The following CD1E variants were observed in gnomAD, a reference collection of about 807,000 sequenced individuals.
CD1E encodes the protein T-cell surface glycoprotein CD1e, membrane-associated.
CD1E carries 49 observed loss-of-function variants against 40.1 expected under a neutral mutation model. That is an observed-to-expected ratio of 1.22 (90% CI 0.97 to 1.55). The LOEUF (loss-of-function observed/expected upper bound fraction) is 1.55. Ranked by LOEUF, CD1E falls within the 40% of genes most tolerant of loss-of-function variation. CD1E has a pLI of 0.00. For synonymous variants in CD1E, 189 were observed against 178.3 expected, an observed-to-expected ratio of 1.06 and a Z score of -0.48; for missense variants, 492 against 471.3, an observed-to-expected ratio of 1.04 and a Z score of -0.41.
intron 4 of CD1E, 50 bp downstream of exon 4, chr1:158,356,155 G>C: frequency 6.2e-7 from 1 of 1,600,048 alleles, no homozygotes; most frequent in Non-Finnish European, 8.5e-7. Context: ...TAGCCCTGGG[G>C]CTTTTGAGTG....
Position 158,356,716 on chromosome 1 carries a change from C to G in CD1E, c.999-12C>G. 6.2e-7 allele frequency: 1 copy of G among 1,611,266 alleles called. No homozygotes were observed. Among genetic ancestry groups the G allele is most frequent in the Non-Finnish European group, 8.5e-7 (1 of 1,178,912 alleles). Reference sequence around the variant, plus strand: ...CTTTCTTTGAGATTAATATCCTCCTCTTTTCCCACAGTTCAAATAAGAACA... The same window carrying G: ...CTTTCTTTGAGATTAATATCCTCCTGTTTTCCCACAGTTCAAATAAGAACA... On this transcript the variant is annotated splice_polypyrimidine_tract_variant and intron_variant, in intron 5 of 5. Transcript: ENST00000368167.
chr1:158,355,595 C>G, intron 3 of CD1E, 26 bp downstream of exon 3: 1 of 1,607,034 alleles, frequency 6.2e-7, no homozygotes, highest in South Asian at 1.1e-5. Context: ...TCTCTCCCCT[C>G]TTGTTCCTAG....
In CD1E at chr1:158,355,328, C is replaced by T. The variant is rs757659757; in HGVS notation, c.384C>T (p.Gly128=). The change falls in exon 3 of 6, where the codon GGC becomes GGT. Residue 128 remains glycine (G), a synonymous_variant. Transcript: ENST00000368167. ...EYPFEIQILA[G]CRMNAPQIFL... ...CCTTCGAGATCCAGATATTAGCTGGCTGTAGAATGAATGCCCCACAAATCT... is the reference window on the plus strand; with the variant it reads ...CCTTCGAGATCCAGATATTAGCTGGTTGTAGAATGAATGCCCCACAAATCT... The T allele has an allele frequency of 3.7e-6, 6 of 1,613,906 alleles. No individual in the cohort carries two copies. In the South Asian group the frequency reaches 4.4e-5, roughly 12 times the overall value.
At chr1:158,354,251 GA>G in intron 1 of CD1E, 125 bp from the exon 2 acceptor site, 3 of 1,008,062 alleles carry the variant, frequency 3.0e-6, no homozygotes, top group Non-Finnish European at 4.4e-6. Context: ...GGCCCCACAG[GA>G]AAAGGGTATT....
chr1:158,356,252 A>G (rs1409822374), intron 4 of CD1E, 147 bp downstream of exon 4: 9 of 1,007,212 alleles, frequency 8.9e-6, no homozygotes, highest in African/African-American at 1.6e-5. Flanking sequence ...GTATGACAGT[A>G]GTTAAATTTT....
rs1307851502 is a variant in CD1E at position 158,357,048 on chromosome 1, T to TC, written c.*152_*153insC. 9.7e-6 allele frequency: 6 copies of TC among 616,856 alleles called. No individual in the cohort carries two copies. Among genetic ancestry groups the TC allele is most frequent in the Non-Finnish European group, 1.7e-5 (6 of 359,608 alleles). The allele number at this position is 616,856 out of a possible 1,614,324, so 38.2% of individuals were successfully genotyped here. A position where few individuals can be genotyped will look rare whatever the true frequency, so the allele number is the denominator to read the frequency against. Reference sequence around the variant, plus strand: ...ACTTTTTCCCCATCTTCCAGAGATTTTTTTTTTCCTGCTTTGGCTACATAT... The same window carrying TC: ...ACTTTTTCCCCATCTTCCAGAGATTTCTTTTTTTCCTGCTTTGGCTACATAT... On this transcript the variant is annotated 3_prime_UTR_variant, in exon 6 of 6. Coordinates refer to ENST00000368167, the MANE Select transcript of CD1E (RefSeq NM_030893.4).
Position 158,355,435 on chromosome 1 carries a change from G to C in CD1E, c.491G>C (p.Arg164Pro). The change falls in exon 3 of 6, where the codon CGG (arginine) becomes CCG (proline). Residue 164 changes from arginine to proline, a missense_variant. Physicochemically the swap from Arg to Pro is moderately radical, Grantham distance 103. Coordinates refer to ENST00000368167, the MANE Select transcript of CD1E (RefSeq NM_030893.4). ...SWEPSPGAGIRAQNICKVLNR... is the reference protein window; with the variant it reads ...SWEPSPGAGIPAQNICKVLNR... ...GAGCCATCTCCAGGAGCAGGGATCC[G>C]GGCCCAGAACATCTGTAAAGTGCTC... 1.2e-6 allele frequency: 2 copies of C among 1,614,078 alleles called. No homozygotes were observed. The highest frequency in any genetic ancestry group is 1.7e-6 in the Non-Finnish European group (2 of 1,180,024).
chr1:158,354,293 C>A, intron 1 of CD1E, 84 bp from the exon 2 acceptor site: 1 of 1,301,584 alleles, frequency 7.7e-7, no homozygotes, highest in South Asian at 1.4e-5. Flanking sequence ...AACTGTCTCT[C>A]ATCTCTGGGT....
chr1:158,356,706 A>G (rs556452247), intron 5 of CD1E, 22 bp from the exon 6 acceptor site: 32 of 1,608,180 alleles, frequency 2.0e-5, no homozygotes, highest in African/African-American at 1.8e-4. Context: ...TTTGAGATTA[A>G]TATCCTCCTC....
Position 158,354,108 on chromosome 1 carries a change from C to T in CD1E, c.58+62C>T. ...GGCACCAGAGGGCTGAGAGGAAGCTCTGGGGAGGTCCTGGGGGAAGGGAGC... is the reference window on the plus strand; with the variant it reads ...GGCACCAGAGGGCTGAGAGGAAGCTTTGGGGAGGTCCTGGGGGAAGGGAGC... On this transcript the variant is annotated intron_variant, in intron 1 of 5. Transcript: ENST00000368167. 3 of 1,430,776 alleles carry T rather than the reference C, an allele frequency of 2.1e-6. No individual in the cohort carries two copies. The South Asian group carries it at 3.4e-5, about 16-fold the overall frequency. 88.6% of individuals were successfully genotyped at this position (1,430,776 alleles called of 1,614,324 possible).
At position 158,356,834 on chromosome 1, in the gene CD1E, G is replaced by A; in HGVS notation, c.1105G>A (p.Val369Ile). 6.2e-7 allele frequency: 1 copy of A among 1,613,914 alleles called. No homozygotes were observed. The highest frequency in any genetic ancestry group is 1.1e-5 in the South Asian group (1 of 91,058). Residue 369 changes from valine to isoleucine, a missense_variant, in exon 6 of 6, where the codon GTA (valine) becomes ATA (isoleucine). Coordinates refer to ENST00000368167, the MANE Select transcript of CD1E (RefSeq NM_030893.4). Reference sequence around the variant, plus strand: ...AAGACATCAGTTCTGCTTGGCACAAGTATCGTGGATCAAAAACAGAGTATT... The same window carrying A: ...AAGACATCAGTTCTGCTTGGCACAAATATCGTGGATCAAAAACAGAGTATT... ...NSRHQFCLAQVSWIKNRVLKK... is the reference protein window; with the variant it reads ...NSRHQFCLAQISWIKNRVLKK...
rs201593093 is a variant in CD1E, at chr1:158,356,760, C to A, written c.1031C>A (p.Pro344His). ...SNKNILSPHT[P>H]SPVFLMGANT... The stretch of plus-strand genomic sequence containing the variant: ...AAGAACATTCTTTCTCCCCACACAC[C>A]CAGCCCTGTCTTTCTCATGGGAGCC... Residue 344 changes from proline to histidine, a missense_variant, in exon 6 of 6, where the codon CCC (proline) becomes CAC (histidine). Physicochemically the swap from Pro to His is moderately conservative, Grantham distance 77. Coordinates refer to ENST00000368167, the MANE Select transcript of CD1E (RefSeq NM_030893.4). 16 of 1,613,684 alleles carry A rather than the reference C, an allele frequency of 9.9e-6. No individual in the cohort carries two copies. The highest frequency in any genetic ancestry group is 2.7e-5 in the African/African-American group (2 of 74,814).
chr1:158,356,681 C>T (rs1336760866), intron 5 of CD1E, 47 bp from the exon 6 acceptor site: 7 of 1,590,874 alleles, frequency 4.4e-6, no homozygotes, highest in East Asian at 2.2e-5. Flanking sequence ...CTGCCTTTCC[C>T]CTTTATTTCC....
chr1:158,353,925 T>C lies in CD1E; in HGVS notation c.-64T>C. On this transcript the variant is annotated 5_prime_UTR_variant, in exon 1 of 6. Coordinates refer to ENST00000368167, the MANE Select transcript of CD1E (RefSeq NM_030893.4). ...GAGTGCAAGAGGGTGTGGAGAGGGG[T>C]ACTGATATCTGAATTATTAGGGCAG... The C allele has an allele frequency of 1.6e-6, 2 of 1,283,808 alleles. No individual in the cohort carries two copies. The highest frequency in any genetic ancestry group is 2.3e-6 in the Non-Finnish European group (2 of 880,474). 79.5% of individuals were successfully genotyped at this position (1,283,808 alleles called of 1,614,324 possible). A position where few individuals can be genotyped will look rare whatever the true frequency, so the allele number is the denominator to read the frequency against.
In CD1E at chr1:158,355,342, C is replaced by T; in HGVS notation, c.398C>T (p.Ala133Val). ...IQILAGCRMN[A>V]PQIFLNMAYQ... Reference sequence around the variant, plus strand: ...ATATTAGCTGGCTGTAGAATGAATGCCCCACAAATCTTCTTAAATATGGCA... The same window carrying T: ...ATATTAGCTGGCTGTAGAATGAATGTCCCACAAATCTTCTTAAATATGGCA... Residue 133 changes from alanine (A) to valine (V), a missense_variant, in exon 3 of 6, where the codon GCC (alanine) becomes GTC (valine). By Grantham distance (64) the Ala-to-Val change is moderately conservative (BLOSUM62 0). Transcript: ENST00000368167. 3 of 1,613,856 alleles carry T rather than the reference C, an allele frequency of 1.9e-6. No individual in the cohort carries two copies. Among genetic ancestry groups the T allele is most frequent in the Non-Finnish European group, 2.5e-6 (3 of 1,179,784 alleles).
chr1:158,355,365 G>A lies in CD1E; in HGVS notation c.421G>A (p.Ala141Thr), dbSNP rs776753973. The A allele has an allele frequency of 2.5e-5, 40 of 1,613,772 alleles. No homozygotes were observed. The highest frequency in any genetic ancestry group is 3.3e-5 in the Non-Finnish European group (39 of 1,179,844). ...TGCCCCACAAATCTTCTTAAATATGGCATATCAAGGGTCAGATTTCCTGAG... is the reference window on the plus strand; with the variant it reads ...TGCCCCACAAATCTTCTTAAATATGACATATCAAGGGTCAGATTTCCTGAG... The part of the protein sequence containing the change: ...MNAPQIFLNM[A>T]YQGSDFLSFQ... Residue 141 changes from alanine (A) to threonine (T), a missense_variant, in exon 3 of 6, where the codon GCA becomes ACA. Ala to Thr is a moderately conservative substitution (Grantham distance 58). Coordinates refer to ENST00000368167, the MANE Select transcript of CD1E (RefSeq NM_030893.4).
At chr1:158,356,470 T>C (rs1040428196) in intron 4 of CD1E, 28 bp from the exon 5 acceptor site, 4 of 1,509,182 alleles carry the variant, frequency 2.7e-6, no homozygotes, top group African/African-American at 2.8e-5. Context: ...TATTTTAGGG[T>C]TGGTATTCTT....
rs2101618458 is a variant in CD1E, at chr1:158,357,233, C to G, written c.*337C>G. The G allele has an allele frequency of 5.6e-6, 1 of 177,186 alleles. No individual in the cohort carries two copies. Among genetic ancestry groups the G allele is most frequent in the South Asian group, 1.6e-4 (1 of 6,150 alleles). 11.0% of individuals were successfully genotyped at this position (177,186 alleles called of 1,614,324 possible). A position where few individuals can be genotyped will look rare whatever the true frequency, so the allele number is the denominator to read the frequency against. ...TGAACAGTAGTTATTTAGGTTTTTG[C>G]TCTTTTTTTTTTTTTAATCTCAGTT... On this transcript the variant is annotated 3_prime_UTR_variant, in exon 6 of 6. Coordinates refer to ENST00000368167, the MANE Select transcript of CD1E (RefSeq NM_030893.4).
chr1:158,354,084 G>A (rs774514834), intron 1 of CD1E, 38 bp downstream of exon 1: 3 of 1,554,224 alleles, frequency 1.9e-6, no homozygotes, highest in Non-Finnish European at 2.7e-6. Context: ...CTATGGTAGG[G>A]CACCAGAGGG....
Sources: gnomAD v4.1 joint callset for allele counts on GRCh38, gnomAD v4.1.1 for gene constraint, MANE v1.5 for transcripts, NCBI Gene and HGNC (gene_info 2026-07-23, HGNC 2026-07-21) for gene names.